Variants in SHC4 observed in about 807,000 individuals in gnomAD.
SHC4 encodes the protein SHC adaptor protein 4.
A neutral mutation model predicts 69.4 loss-of-function variants in SHC4; 41 were observed. The observed-to-expected ratio is 0.59, with a 90% CI of 0.46 to 0.77. SHC4 has a LOEUF of 0.77. SHC4 is among the 30% of genes least tolerant of loss of function. The probability of loss-of-function intolerance (pLI) is 0.00; values close to 1 mark genes in which losing one functional copy is unlikely to be tolerated. For synonymous variants in SHC4, 318 were observed against 299.3 expected (o/e 1.06, Z -0.64); for missense variants, 777 against 783.8 (o/e 0.99, Z 0.10).
At chr15:48,827,875 G>A (rs868317151) in intron 11 of SHC4, among the ~76,000 whole-genome samples, 18 of 152,118 alleles carry the variant, frequency 1.2e-4, no homozygotes, top group African/African-American at 3.6e-4. Context: ...GCATGACAGC[G>A]TTTGGTTGGA....
In SHC4 at chr15:48,842,655, G is replaced by A. The variant is rs114305129; in HGVS notation, c.1483+754C>T. Among the ~76,000 whole-genome samples the A allele has an allele frequency of 3.8e-3, 575 of 152,244 alleles. 3 individuals are homozygous for A. The highest frequency in any genetic ancestry group is 0.013 in the African/African-American group (537 of 41,558). Reference sequence around the variant, plus strand: ...CCCTCAAAAAGATAAATTCAAGGCCGGGCATGGTGGTGCCTGTAATCCCAA... The same window carrying A: ...CCCTCAAAAAGATAAATTCAAGGCCAGGCATGGTGGTGCCTGTAATCCCAA... On this transcript the variant is annotated intron_variant, in intron 10 of 11. Coordinates refer to ENST00000332408, the MANE Select transcript of SHC4 (RefSeq NM_203349.4).
intron 1 of SHC4, among the ~76,000 whole-genome samples, chr15:48,945,067 C>T (rs1355093103): frequency 1.3e-5 from 2 of 152,198 alleles, no homozygotes; most frequent in East Asian, 1.9e-4. Flanking sequence ...CCCATTTACC[C>T]TTGCTTTCGA....
At chr15:48,884,445 T>A in intron 3 of SHC4, 78 bp from the exon 4 acceptor site, 1 of 1,295,394 alleles carries the variant, frequency 7.7e-7, no homozygotes, top group Non-Finnish European at 1.0e-6. Flanking sequence ...TTTTAAATGT[T>A]AAAAATGAGT....
chr15:48,942,804 T>C (rs965300162), intron 1 of SHC4, among the ~76,000 whole-genome samples: 8 of 152,326 alleles, frequency 5.3e-5, no homozygotes, highest in East Asian at 3.9e-4. Flanking sequence ...GAGATTTACA[T>C]AGAAGTTAGG....
chr15:48,874,027 G>T (rs952722929), intron 4 of SHC4, among the ~76,000 whole-genome samples: 1 of 152,046 alleles, frequency 6.6e-6, no homozygotes, highest in Admixed American at 6.6e-5. Flanking sequence ...AAATGTGCAA[G>T]AACAGCTAAA....
chr15:48,949,349 C>T (rs953885488), intron 1 of SHC4, among the ~76,000 whole-genome samples: 3 of 144,880 alleles, frequency 2.1e-5, no homozygotes, highest in Admixed American at 7.1e-5. Flanking sequence ...CCAGCCTGGG[C>T]GACAGAGTGA....
At chr15:48,914,401 A>G (rs775010042) in intron 2 of SHC4, among the ~76,000 whole-genome samples, 8 of 152,148 alleles carry the variant, frequency 5.3e-5, no homozygotes, top group Non-Finnish European at 5.9e-5. Flanking sequence ...AAAAGGGGAA[A>G]TTACTCCTTT....
intron 2 of SHC4, among the ~76,000 whole-genome samples, chr15:48,894,900 C>A (rs1451239528): frequency 3.3e-5 from 5 of 152,066 alleles, no homozygotes; most frequent in African/African-American, 9.7e-5. Flanking sequence ...AGTCCTCCCA[C>A]CTCAACCTCC....
At chr15:48,838,235 C>T (rs2413915) in intron 10 of SHC4, among the ~76,000 whole-genome samples, 124,278 of 152,152 alleles carry the variant, frequency 0.82, 51,378 homozygotes, top group East Asian at 1. Flanking sequence ...GAAAGCGGAG[C>T]GTTGTCTTAT....
chr15:48,864,736 C>G (rs1477607719), intron 6 of SHC4, among the ~76,000 whole-genome samples: 1 of 152,028 alleles, frequency 6.6e-6, no homozygotes, highest in African/African-American at 2.4e-5. Flanking sequence ...CGTGAGCCAC[C>G]GCGCCCGGCC....
At chr15:48,913,918 C>T (rs1900564100) in intron 2 of SHC4, among the ~76,000 whole-genome samples, 1 of 152,206 alleles carries the variant, frequency 6.6e-6, no homozygotes, top group Non-Finnish European at 1.5e-5. Context: ...CTCCCTTTCC[C>T]ACTTCCGCAT....
intron 11 of SHC4, among the ~76,000 whole-genome samples, chr15:48,827,847 C>T (rs1898717656): frequency 6.6e-6 from 1 of 152,098 alleles, no homozygotes; most frequent in Non-Finnish European, 1.5e-5. Context: ...AAATCTGGTC[C>T]CACTGGGCCT....
At chr15:48,853,646 G>C (rs1273297836) in intron 8 of SHC4, among the ~76,000 whole-genome samples, 1 of 152,104 alleles carries the variant, frequency 6.6e-6, no homozygotes, top group Non-Finnish European at 1.5e-5. Context: ...CACAAACATA[G>C]ACTAATGGAA....
At chr15:48,855,748 T>C (rs1004006051) in intron 8 of SHC4, among the ~76,000 whole-genome samples, 7 of 151,882 alleles carry the variant, frequency 4.6e-5, no homozygotes, top group Non-Finnish European at 1.0e-4. Context: ...AAGTGAGATA[T>C]GAGATCATCT....
intron 1 of SHC4, among the ~76,000 whole-genome samples, chr15:48,952,120 G>A (rs1468494776): frequency 6.6e-6 from 1 of 152,070 alleles, no homozygotes; most frequent in East Asian, 1.9e-4. Flanking sequence ...GGATGTGGGA[G>A]GCACAATGGC....
chr15:48,834,997 A>G lies in SHC4; in HGVS notation c.1509T>C (p.Gly503=). The G allele has an allele frequency of 6.2e-7, 1 of 1,612,128 alleles. No homozygotes were observed. Among genetic ancestry groups the G allele is most frequent in the Non-Finnish European group, 8.5e-7 (1 of 1,179,162 alleles). ...GTGAGCTGGCAGGCTGGGCTGTGGC[A>G]CCCGGCTGAACAGTTTCTGGTGCCT... ...CGKAPETVQP[G]ATAQPASSHS... The change falls in exon 11 of 12, where the codon GGT becomes GGC. Residue 503 remains glycine (G), a synonymous_variant. Transcript: ENST00000332408.
intron 2 of SHC4, among the ~76,000 whole-genome samples, chr15:48,911,127 C>A (rs1347193806): frequency 6.6e-6 from 1 of 152,202 alleles, no homozygotes; most frequent in East Asian, 1.9e-4. Context: ...TGTTGACGCT[C>A]TGTCTTGATG....
rs1254222431 is a variant in SHC4, at chr15:48,962,729, G to A, written c.287C>T (p.Ala96Val). The A allele has an allele frequency of 6.2e-7, 1 of 1,613,732 alleles. No homozygotes were observed. The highest frequency in any genetic ancestry group is 8.5e-7 in the Non-Finnish European group (1 of 1,180,032). The change falls in exon 1 of 12, where the codon GCC becomes GTC. Residue 96 changes from alanine (A) to valine (V), a missense_variant. Ala to Val is a moderately conservative substitution (Grantham distance 64, BLOSUM62 0). Coordinates refer to ENST00000332408, the MANE Select transcript of SHC4 (RefSeq NM_203349.4). ...CAGACTCAGCAAAGTGGCCGGGTTGGCCAGCTTCATGCTTGCCATGCGGGG... is the reference window on the plus strand; with the variant it reads ...CAGACTCAGCAAAGTGGCCGGGTTGACCAGCTTCATGCTTGCCATGCGGGG... ...LIPRMASMKLANPATLLSLKN... is the reference protein window; with the variant it reads ...LIPRMASMKLVNPATLLSLKN...
chr15:48,843,352 T>C (rs955943223), intron 10 of SHC4, 57 bp downstream of exon 10: 3 of 1,468,498 alleles, frequency 2.0e-6, no homozygotes, highest in African/African-American at 2.8e-5. Context: ...TTTCTGTTTG[T>C]GGTAATTTGT....
Sources: allele counts gnomAD v4.1 joint callset (sites outside exome capture counted in the v4.1 genomes callset), GRCh38; gene constraint gnomAD v4.1.1; transcripts MANE v1.5; gene names NCBI Gene and HGNC (gene_info 2026-07-23, HGNC 2026-07-21).